The following KLF17 variants were observed in gnomAD, a reference collection of about 807,000 sequenced individuals.
KLF17 encodes the protein Krueppel-like factor 17.
KLF17 carries 31 observed loss-of-function variants against 34.2 expected under a neutral mutation model. The ratio of observed to expected loss-of-function variants is 0.91; its 90% confidence interval spans 0.68 to 1.22. KLF17 has a LOEUF of 1.22. Ranked by LOEUF, KLF17 falls within the 50% of genes most tolerant of loss-of-function variation. KLF17 has a pLI of 0.00. For synonymous variants in KLF17, 179 were observed against 186.7 expected (o/e 0.96, Z 0.34); for missense variants, 478 against 505.2 (o/e 0.95, Z 0.52).
chr1:44,090,306 C>CAAAAAAAAAAAAAAAAAAAAA, the KLF17 span, among the ~76,000 whole-genome samples: 2 of 23,416 alleles, frequency 8.5e-5, no homozygotes, highest in Non-Finnish European at 1.4e-4. Flanking sequence ...CTTGTCTCTA[C>CAAAAAAAAAAAAAAAAAAAAA]AAAAAAAAAA....
At chr1:44,068,910 G>C in the KLF17 span, among the ~76,000 whole-genome samples, 1 of 152,096 alleles carries the variant, frequency 6.6e-6, no homozygotes, top group Non-Finnish European at 1.5e-5. Context: ...CTTTTACATA[G>C]AATTTCTGGG....
upstream of KLF17, chr1:44,115,111 T>G (rs957053372): frequency 6.6e-6 from 1 of 152,194 alleles, no homozygotes; most frequent in African/African-American, 2.4e-5. Context: ...TTTTTTCAAT[T>G]CTGTCATTCT....
At chr1:44,106,666 G>A in the KLF17 span, 43 of 152,276 alleles carry the variant, frequency 2.8e-4, no homozygotes, top group African/African-American at 9.9e-4. Context: ...TATGGGGGAG[G>A]GCTAGGACTG....
At chr1:44,081,896 G>C in the KLF17 span, among the ~76,000 whole-genome samples, 1 of 152,090 alleles carries the variant, frequency 6.6e-6, no homozygotes, top group Non-Finnish European at 1.5e-5. Flanking sequence ...AAAATATGTA[G>C]TGAGCCATAC....
At chr1:44,085,927 T>C in the KLF17 span, among the ~76,000 whole-genome samples, 1 of 151,298 alleles carries the variant, frequency 6.6e-6, no homozygotes, top group Admixed American at 6.6e-5. Context: ...TGAGGTAGAC[T>C]GAGGAAGACA....
chr1:44,129,044 A>C (rs2088066289), intron 1 of KLF17, among the ~76,000 whole-genome samples: 1 of 152,100 alleles, frequency 6.6e-6, no homozygotes. Flanking sequence ...TGGAGTTTGA[A>C]CATTTTCTCA....
rs756547380 is a variant in KLF17 at position 44,130,683 on chromosome 1, G to T, written c.1097G>T (p.Arg366Leu). ...CTCAAGCAACACCAGAAGACTCATCGGCCGGGACCCTCAGACCCACAGGCC... is the reference window on the plus strand; with the variant it reads ...CTCAAGCAACACCAGAAGACTCATCTGCCGGGACCCTCAGACCCACAGGCC... ...DHLKQHQKTH[R>L]PGPSDPQANN... The change falls in exon 3 of 4, where the codon CGG becomes CTG. Residue 366 changes from arginine to leucine, a missense_variant. Physicochemically the swap from Arg to Leu is moderately radical, Grantham distance 102 (BLOSUM62 -2). Coordinates refer to ENST00000372299, the MANE Select transcript of KLF17 (RefSeq NM_173484.4). 6.2e-7 allele frequency: 1 copy of T among 1,613,680 alleles called. No homozygotes were observed. The highest frequency in any genetic ancestry group is 1.6e-4 in the Middle Eastern group (1 of 6,062).
chr1:44,124,626 G>T (rs111487207), intron 1 of KLF17, among the ~76,000 whole-genome samples: 5,609 of 151,630 alleles, frequency 0.037, 138 homozygotes, highest in Non-Finnish European at 0.048. Context: ...TCCCGAGTAG[G>T]TGGGACTACA....
chr1:44,061,914 C>G, the KLF17 span, among the ~76,000 whole-genome samples: 8 of 151,830 alleles, frequency 5.3e-5, no homozygotes, highest in African/African-American at 1.9e-4. Flanking sequence ...CAAACTCTGT[C>G]TCAAAAAAAA....
At chr1:44,102,467 C>T in the KLF17 span, among the ~76,000 whole-genome samples, 2 of 151,676 alleles carry the variant, frequency 1.3e-5, no homozygotes, top group East Asian at 1.9e-4. Context: ...GCAGGAGAAT[C>T]GCTTGAACCC....
At chr1:44,094,725 A>G in the KLF17 span, among the ~76,000 whole-genome samples, 12 of 152,100 alleles carry the variant, frequency 7.9e-5, no homozygotes, top group Non-Finnish European at 1.3e-4. Flanking sequence ...TGCCAGTACC[A>G]TGCTGTTTTG....
At chr1:44,095,433 T>C in the KLF17 span, among the ~76,000 whole-genome samples, 3 of 151,476 alleles carry the variant, frequency 2.0e-5, no homozygotes, top group Non-Finnish European at 4.4e-5. Flanking sequence ...CAAGCTGGTC[T>C]TGAACTCCCG....
At chr1:44,086,056 A>T in the KLF17 span, among the ~76,000 whole-genome samples, 1 of 152,222 alleles carries the variant, frequency 6.6e-6, no homozygotes, top group African/African-American at 2.4e-5. Context: ...GCAAGAGCAG[A>T]CTAGCCCTGG....
At chr1:44,110,782 G>A in the KLF17 span, among the ~76,000 whole-genome samples, 4 of 151,918 alleles carry the variant, frequency 2.6e-5, no homozygotes, top group Non-Finnish European at 5.9e-5. Context: ...ATATTTAAAC[G>A]GATGTATTAT....
the KLF17 span, chr1:44,104,067 T>C: frequency 1.1e-6 from 1 of 896,078 alleles, no homozygotes; most frequent in East Asian, 2.4e-5. Flanking sequence ...GATCTGGGAC[T>C]GCAGCTCCCG....
At chr1:44,098,083 C>T in the KLF17 span, among the ~76,000 whole-genome samples, 1 of 152,088 alleles carries the variant, frequency 6.6e-6, no homozygotes, top group Non-Finnish European at 1.5e-5. Flanking sequence ...CTCTCTCCCA[C>T]CTCAGCCTCC....
the KLF17 span, chr1:44,103,173 G>T: frequency 1.8e-6 from 1 of 568,720 alleles, no homozygotes; most frequent in Non-Finnish European, 3.1e-6. Context: ...AAACTCCTCC[G>T]CAGGTGGGCT....
chr1:44,083,741 C>G, the KLF17 span, among the ~76,000 whole-genome samples: 1 of 143,712 alleles, frequency 7.0e-6, no homozygotes, highest in African/African-American at 2.6e-5. Flanking sequence ...TTGCAGTGAG[C>G]CAAGATGGCA....
At chr1:44,083,845 G>A in the KLF17 span, among the ~76,000 whole-genome samples, 3 of 151,112 alleles carry the variant, frequency 2.0e-5, no homozygotes, top group Admixed American at 2.0e-4. Flanking sequence ...CCCTGAGGCA[G>A]ACATCTTCTC....
Sources: allele counts gnomAD v4.1 joint callset (sites outside exome capture counted in the v4.1 genomes callset), GRCh38; gene constraint gnomAD v4.1.1; transcripts MANE v1.5; gene names NCBI Gene and HGNC (gene_info 2026-07-23, HGNC 2026-07-21).